GULP1: variants seen among roughly 807,000 people sequenced by gnomAD.
GULP1 encodes the protein GULP PTB domain containing engulfment adaptor 1.
Under a neutral mutation model 40.9 loss-of-function variants are expected in GULP1, and 19 were observed. That is an observed-to-expected ratio of 0.46 (90% CI 0.32 to 0.68). The LOEUF (loss-of-function observed/expected upper bound fraction) is 0.68, where lower values mean the gene tolerates loss of function less well. Among genes scored for constraint, GULP1 ranks in the 30% least tolerant of loss-of-function variants. The pLI is 0.03. For missense variants in GULP1, 312 were observed against 362.2 expected, an observed-to-expected ratio of 0.86 and a Z score of 1.12; for synonymous variants, 119 against 117.6, an observed-to-expected ratio of 1.01 and a Z score of -0.08.
At chr2:188,400,374 A>G (rs2052051121) in intron 2 of GULP1, among the ~76,000 whole-genome samples, 1 of 152,206 alleles carries the variant, frequency 6.6e-6, no homozygotes, top group Non-Finnish European at 1.5e-5. Flanking sequence ...ACAAGGTCAC[A>G]CTCAGAGGTT....
intron 6 of GULP1, among the ~76,000 whole-genome samples, chr2:188,537,987 T>C (rs1689391856): frequency 6.6e-6 from 1 of 152,146 alleles, no homozygotes; most frequent in South Asian, 2.1e-4. Context: ...GTGTTCGTAA[T>C]AGTCTCTGAG....
At chr2:188,532,066 C>A (rs1052702612) in intron 6 of GULP1, among the ~76,000 whole-genome samples, 3 of 151,824 alleles carry the variant, frequency 2.0e-5, no homozygotes, top group Non-Finnish European at 4.4e-5. Flanking sequence ...GGGGCTTGTC[C>A]CAGCACACAT....
rs560854179 is a variant in GULP1, at chr2:188,311,969, A to G, written c.-172+19803A>G. Among the ~76,000 whole-genome samples the G allele has an allele frequency of 6.0e-5, 9 of 150,602 alleles. No individual in the cohort carries two copies. The East Asian group carries it at 1.7e-3, about 29-fold the overall frequency. Reference sequence around the variant, plus strand: ...CTTAACTCAAACTGGCTTTTTAACAAAATAATTCTGACGGAAAAATAAAGA... The same window carrying G: ...CTTAACTCAAACTGGCTTTTTAACAGAATAATTCTGACGGAAAAATAAAGA... On this transcript the variant is annotated intron_variant, in intron 1 of 11. Coordinates refer to ENST00000409830, the MANE Select transcript of GULP1 (RefSeq NM_016315.4).
At chr2:188,442,256 A>G (rs2058001405) in intron 2 of GULP1, among the ~76,000 whole-genome samples, 1 of 152,164 alleles carries the variant, frequency 6.6e-6, no homozygotes, top group South Asian at 2.1e-4. Context: ...CCGTAAGGTA[A>G]TGTGGTTGTT....
intron 2 of GULP1, among the ~76,000 whole-genome samples, chr2:188,411,762 C>T (rs184419039): frequency 6.6e-6 from 1 of 152,310 alleles, no homozygotes; most frequent in East Asian, 1.9e-4. Flanking sequence ...AGTATATAAT[C>T]ACACATCTGG....
chr2:188,553,413 A>G (rs1693991133), intron 7 of GULP1, among the ~76,000 whole-genome samples: 3 of 151,994 alleles, frequency 2.0e-5, no homozygotes, highest in Non-Finnish European at 4.4e-5. Flanking sequence ...TTCTGTGTCT[A>G]TTGAGATGAT....
chr2:188,535,094 ATTT>A (rs1687442045), intron 6 of GULP1, among the ~76,000 whole-genome samples: 1 of 151,222 alleles, frequency 6.6e-6, no homozygotes, highest in South Asian at 2.1e-4. Flanking sequence ...TAAAGTAATT[ATTT>A]AATGTTTAAA....
At chr2:188,420,332 T>A (rs1371477793) in intron 2 of GULP1, among the ~76,000 whole-genome samples, 1 of 152,230 alleles carries the variant, frequency 6.6e-6, no homozygotes, top group Non-Finnish European at 1.5e-5. Context: ...TTCCATTTAT[T>A]CATATCATAA....
intron 2 of GULP1, among the ~76,000 whole-genome samples, chr2:188,455,916 G>T (rs559775457): frequency 6.6e-6 from 1 of 152,326 alleles, no homozygotes. Context: ...GGAGGAACTT[G>T]TTAGGAACTG....
intron 2 of GULP1, among the ~76,000 whole-genome samples, chr2:188,468,712 T>C (rs1056668804): frequency 6.6e-6 from 1 of 152,062 alleles, no homozygotes. Context: ...TTCAGTGAAA[T>C]AGATTGGGGT....
At chr2:188,488,183 A>G (rs1313471635) in intron 4 of GULP1, among the ~76,000 whole-genome samples, 1 of 151,964 alleles carries the variant, frequency 6.6e-6, no homozygotes, top group African/African-American at 2.4e-5. Flanking sequence ...GCACCCCTCA[A>G]GAGTAAGCTC....
At chr2:188,565,456 C>A (rs1697427877) in intron 7 of GULP1, among the ~76,000 whole-genome samples, 1 of 151,898 alleles carries the variant, frequency 6.6e-6, no homozygotes, top group African/African-American at 2.4e-5. Context: ...TATTATTATT[C>A]AACAGGGAAA....
At chr2:188,333,244 TAAA>T in intron 1 of GULP1, among the ~76,000 whole-genome samples, 1 of 136,942 alleles carries the variant, frequency 7.3e-6, no homozygotes. Context: ...AGACCTTGTC[TAAA>T]AAAAAAAAAA....
chr2:188,526,991 C>T (rs1686327924), intron 5 of GULP1, among the ~76,000 whole-genome samples: 1 of 152,032 alleles, frequency 6.6e-6, no homozygotes, highest in African/African-American at 2.4e-5. Context: ...TTTCAGAAAA[C>T]CTAGATTAGA....
chr2:188,486,022 C>T (rs1420042721), intron 4 of GULP1, among the ~76,000 whole-genome samples: 1 of 151,924 alleles, frequency 6.6e-6, no homozygotes, highest in Non-Finnish European at 1.5e-5. Context: ...ATAACTTAGC[C>T]AAGTTGACAC....
intron 6 of GULP1, among the ~76,000 whole-genome samples, chr2:188,540,483 C>A (rs1049079743): frequency 1.3e-5 from 2 of 151,236 alleles, no homozygotes; most frequent in African/African-American, 4.9e-5. Flanking sequence ...GCAACTATAT[C>A]GATCTGGTTG....
At chr2:188,472,364 ACTC>A (rs898462937) in intron 2 of GULP1, among the ~76,000 whole-genome samples, 6 of 151,742 alleles carry the variant, frequency 4.0e-5, no homozygotes, top group Admixed American at 2.6e-4. Flanking sequence ...TAAACTTTCT[ACTC>A]CTATCTCTTT....
At chr2:188,537,013 G>A (rs1689115576) in intron 6 of GULP1, among the ~76,000 whole-genome samples, 1 of 151,784 alleles carries the variant, frequency 6.6e-6, no homozygotes, top group Admixed American at 6.6e-5. Flanking sequence ...AAATGCTACT[G>A]ATTTCTGTAC....
At chr2:188,574,173 GA>G (rs1444709765) in intron 9 of GULP1, among the ~76,000 whole-genome samples, 7 of 151,836 alleles carry the variant, frequency 4.6e-5, no homozygotes, top group Non-Finnish European at 8.8e-5. Context: ...GAAAGGGAAA[GA>G]AAAAAAGTAG....
Sources: gnomAD v4.1 joint callset for allele counts (sites outside exome capture counted in the v4.1 genomes callset) on GRCh38, gnomAD v4.1.1 for gene constraint, MANE v1.5 for transcripts, NCBI Gene and HGNC (gene_info 2026-07-23, HGNC 2026-07-21) for gene names.